EPS8: variants seen among roughly 807,000 people sequenced by gnomAD.
The protein encoded by EPS8 is EGFR pathway substrate 8, signaling adaptor, also known as epidermal growth factor receptor kinase substrate 8.
In EPS8, 42 loss-of-function variants were observed where a neutral mutation model predicts 103.8. That is an observed-to-expected ratio of 0.40 (90% CI 0.32 to 0.52). The LOEUF (loss-of-function observed/expected upper bound fraction) is 0.52, where lower values mean the gene tolerates loss of function less well. Ranked by LOEUF, EPS8 falls within the 20% of genes least tolerant of loss-of-function variation. The pLI is 0.40. For missense variants in EPS8, 969 were observed against 1,005.1 expected, an observed-to-expected ratio of 0.96 and a Z score of 0.49; for synonymous variants, 344 against 344.6, an observed-to-expected ratio of 1.00 and a Z score of 0.02.
At chr12:15,726,005 A>T (rs1454401738) in intron 1 of EPS8, among the ~76,000 whole-genome samples, 1 of 152,230 alleles carries the variant, frequency 6.6e-6, no homozygotes, top group East Asian at 1.9e-4. Flanking sequence ...TCTAATAAAA[A>T]ATCATACTTA....
chr12:15,621,193 G>GT lies in EPS8; in HGVS notation c.*123dup, dbSNP rs56392718. 0.85 allele frequency: 368,091 copies of GT among 433,704 alleles called. 151,277 individuals are homozygous for GT. The highest frequency in any genetic ancestry group is 0.94 in the African/African-American group (44,698 of 47,422). The allele number at this position is 433,704 out of a possible 1,614,324, so 26.9% of individuals were successfully genotyped here. On this transcript the variant is annotated 3_prime_UTR_variant, in exon 21 of 21. Coordinates refer to ENST00000281172, the MANE Select transcript of EPS8 (RefSeq NM_004447.6). ...CCTGTGCTCACTCAGGTTTGCATGG[G>GT]TTTTTTTTTATGGTGATAAATTACA...
rs1390998896 is a variant in EPS8, at chr12:15,771,490, G to C, written c.-22+17671C>G. ...GGCAGATACAGAGACATTCAGGAGG[G>C]AATAGCTTAAGAAAATGGTCATATA... On this transcript the variant is annotated intron_variant, in intron 1 of 20. Transcript: ENST00000281172. This position sits in a 1 kb window ranked among gnomAD's most constrained non-coding sequence, Gnocchi z 4.6. 2.6e-5 allele frequency among the ~76,000 whole-genome samples: 4 copies of C among 152,122 alleles called. No homozygotes were observed. The highest frequency in any genetic ancestry group is 4.1e-4 in the South Asian group (2 of 4,830).
Position 15,779,134 on chromosome 12 carries a change from A to G in EPS8, c.-22+10027T>C, listed in dbSNP as rs536868824. Among the ~76,000 whole-genome samples, 1 of 152,176 alleles carries G rather than the reference A, an allele frequency of 6.6e-6. No homozygotes were observed. Among genetic ancestry groups the G allele is most frequent in the Admixed American group, 6.5e-5 (1 of 15,282 alleles). On this transcript the variant is annotated intron_variant, in intron 1 of 20. Transcript: ENST00000281172. The surrounding 1 kb of genome is among the most constrained non-coding windows in gnomAD (Gnocchi z 4.3). ...GCTGGGATTACAGGTATGTGCCTCCAAGCCCGGCTAATTTTGTATTTTTAG... is the reference window on the plus strand; with the variant it reads ...GCTGGGATTACAGGTATGTGCCTCCGAGCCCGGCTAATTTTGTATTTTTAG...
At chr12:15,624,973 C>A (rs1346154945) in intron 18 of EPS8, among the ~76,000 whole-genome samples, 1 of 152,166 alleles carries the variant, frequency 6.6e-6, no homozygotes. Context: ...CAGAGAATAA[C>A]CCAGCCTCAA....
chr12:15,709,725 T>G (rs576976561), intron 1 of EPS8, among the ~76,000 whole-genome samples: 1 of 152,356 alleles, frequency 6.6e-6, no homozygotes, highest in South Asian at 2.1e-4. Context: ...AATCCCAGGC[T>G]TTGTGTCCAA....
intron 1 of EPS8, among the ~76,000 whole-genome samples, chr12:15,786,425 GA>G (rs145329515): frequency 0.017 from 2,534 of 152,172 alleles, 29 homozygotes; most frequent in Middle Eastern, 0.027. Context: ...GAGACATTAC[GA>G]GGAAATACAT....
intron 1 of EPS8, among the ~76,000 whole-genome samples, chr12:15,729,461 T>C (rs985410501): frequency 1.3e-5 from 2 of 152,198 alleles, no homozygotes; most frequent in African/African-American, 2.4e-5. Flanking sequence ...CTTCTTCTTA[T>C]GGCTTCGGTT....
At chr12:15,737,572 T>C (rs960200654) in intron 1 of EPS8, among the ~76,000 whole-genome samples, 18 of 152,328 alleles carry the variant, frequency 1.2e-4, no homozygotes, top group African/African-American at 4.1e-4. Context: ...GAAGTTCTAT[T>C]ATTATCCTAA....
Position 15,721,332 on chromosome 12 carries a change from T to G in EPS8, c.-21-38360A>C, listed in dbSNP as rs542843508. Reference sequence around the variant, plus strand: ...AACACACACCAAATAGATTTTTTAATTGACAAATAAAACCAAATAGATTTT... The same window carrying G: ...AACACACACCAAATAGATTTTTTAAGTGACAAATAAAACCAAATAGATTTT... On this transcript the variant is annotated intron_variant, in intron 1 of 20. Coordinates refer to ENST00000281172, the MANE Select transcript of EPS8 (RefSeq NM_004447.6). This position sits in a 1 kb window ranked among gnomAD's most constrained non-coding sequence, Gnocchi z 4.4. 6.0e-4 allele frequency among the ~76,000 whole-genome samples: 92 copies of G among 152,152 alleles called. No individual in the cohort carries two copies. The highest frequency in any genetic ancestry group is 1.2e-3 in the Non-Finnish European group (85 of 68,020).
intron 13 of EPS8, among the ~76,000 whole-genome samples, chr12:15,652,870 T>C (rs1472938912): frequency 6.6e-6 from 1 of 152,142 alleles, no homozygotes. Flanking sequence ...CCCATGACTC[T>C]TAAGCTAGCC....
At chr12:15,741,877 C>T (rs555704663) in intron 1 of EPS8, among the ~76,000 whole-genome samples, 12 of 152,272 alleles carry the variant, frequency 7.9e-5, no homozygotes, top group East Asian at 1.9e-4. Flanking sequence ...CCCAACCCTA[C>T]GACAGGCCCC....
In EPS8 at chr12:15,631,007, A is replaced by G. The variant is rs1003730695; in HGVS notation, c.2044+435T>C. Reference sequence around the variant, plus strand: ...AAGACAAAATCGCTCCTGGCTGAGAAGCACTGAAGTAGATGCTTTCTATGC... The same window carrying G: ...AAGACAAAATCGCTCCTGGCTGAGAGGCACTGAAGTAGATGCTTTCTATGC... On this transcript the variant is annotated intron_variant, in intron 18 of 20. Coordinates refer to ENST00000281172, the MANE Select transcript of EPS8 (RefSeq NM_004447.6). Among the ~76,000 whole-genome samples the G allele has an allele frequency of 3.3e-5, 5 of 152,222 alleles. No individual in the cohort carries two copies. The South Asian group carries it at 1.0e-3, about 32-fold the overall frequency.
chr12:15,746,858 T>C (rs1022336092), intron 1 of EPS8, among the ~76,000 whole-genome samples: 1 of 152,188 alleles, frequency 6.6e-6, no homozygotes, highest in Admixed American at 6.5e-5. Context: ...CATATACTCC[T>C]ACTGTCCACT....
chr12:15,786,120 GA>G (rs1947308561), intron 1 of EPS8, among the ~76,000 whole-genome samples: 1 of 151,940 alleles, frequency 6.6e-6, no homozygotes, highest in Non-Finnish European at 1.5e-5. Flanking sequence ...AGCACAGCAT[GA>G]AAAAGGTGGA....
At chr12:15,754,666 A>C (rs1946967315) in intron 1 of EPS8, among the ~76,000 whole-genome samples, 1 of 152,194 alleles carries the variant, frequency 6.6e-6, no homozygotes, top group South Asian at 2.1e-4. Context: ...TGAACACCCA[A>C]CTTCATGTGT....
intron 3 of EPS8, among the ~76,000 whole-genome samples, chr12:15,680,196 TA>T (rs1329616864): frequency 6.6e-6 from 1 of 152,196 alleles, no homozygotes; most frequent in Non-Finnish European, 1.5e-5. Context: ...GCCAATTCAC[TA>T]ACATAGGTAG....
chr12:15,722,027 A>G (rs1478076308), intron 1 of EPS8, among the ~76,000 whole-genome samples: 2 of 151,460 alleles, frequency 1.3e-5, no homozygotes, highest in Non-Finnish European at 2.9e-5. Context: ...CTTTTAACTC[A>G]AAGTATCCTG....
intron 3 of EPS8, chr12:15,671,628 A>C (rs2135854555): frequency 6.6e-6 from 1 of 152,260 alleles, no homozygotes; most frequent in South Asian, 2.1e-4. Flanking sequence ...CAAAACCAAA[A>C]AAATAACATT....
At chr12:15,629,632 G>A (rs1945009188) in intron 18 of EPS8, among the ~76,000 whole-genome samples, 1 of 152,222 alleles carries the variant, frequency 6.6e-6, no homozygotes, top group Non-Finnish European at 1.5e-5. Flanking sequence ...TGTTTTTGCT[G>A]TACAGAAAGA....
Sources: allele counts gnomAD v4.1 joint callset (sites outside exome capture counted in the v4.1 genomes callset), GRCh38; gene constraint gnomAD v4.1.1; non-coding constraint Gnocchi (gnomAD v3.1); transcripts MANE v1.5; gene names NCBI Gene and HGNC (gene_info 2026-07-23, HGNC 2026-07-21).